Variants in PCDHGA8 observed in about 807,000 individuals in gnomAD.
PCDHGA8 encodes the protein protocadherin gamma subfamily A, 8.
PCDHGA8 carries 45 observed loss-of-function variants against 59.2 expected under a neutral mutation model. That is an observed-to-expected ratio of 0.76 (90% CI 0.60 to 0.98). The LOEUF (loss-of-function observed/expected upper bound fraction) is 0.98, where lower values mean the gene tolerates loss of function less well. Ranked by LOEUF, PCDHGA8 falls within the 50% of genes least tolerant of loss-of-function variation. PCDHGA8 has a pLI of 0.00. For synonymous variants in PCDHGA8, 531 were observed against 519.0 expected (o/e 1.02, Z -0.32); for missense variants, 1,257 against 1,196.2 (o/e 1.05, Z -0.75).
Position 141,487,522 on chromosome 5 carries a change from T to G in PCDHGA8, c.2425-7285T>G, listed in dbSNP as rs764726787. Reference sequence around the variant, plus strand: ...TGGCTTCTGCACCCACTCGGAGTGATAGCTTCATGATGGTGAAGTCACCCA... The same window carrying G: ...TGGCTTCTGCACCCACTCGGAGTGAGAGCTTCATGATGGTGAAGTCACCCA... On this transcript the variant is annotated intron_variant, in intron 1 of 3. Transcript: ENST00000398604. This position sits in a 1 kb window ranked among gnomAD's most constrained non-coding sequence, Gnocchi z 5.0. The G allele has an allele frequency of 6.2e-7, 1 of 1,614,166 alleles. No individual in the cohort carries two copies. The highest frequency in any genetic ancestry group is 8.5e-7 in the Non-Finnish European group (1 of 1,180,022).
intron 1 of PCDHGA8, chr5:141,399,746 C>G (rs1478736881): frequency 2.5e-6 from 4 of 1,613,242 alleles, no homozygotes; most frequent in African/African-American, 2.7e-5. Context: ...GCGCTCAGCG[C>G]AAACGTGAGC....
chr5:141,448,948 AAAAC>A (rs1237948751), intron 1 of PCDHGA8, among the ~76,000 whole-genome samples: 14 of 152,170 alleles, frequency 9.2e-5, no homozygotes, highest in African/African-American at 9.7e-5. Flanking sequence ...GCAACTCAAA[AAAAC>A]AAACAAACAA....
intron 1 of PCDHGA8, chr5:141,398,475 T>C (rs1201280028): frequency 2.0e-5 from 32 of 1,607,296 alleles, no homozygotes; most frequent in Admixed American, 1.7e-4. Flanking sequence ...CACTGAACTT[T>C]TATCACGTGA....
chr5:141,454,657 CG>C (rs1313292109), intron 1 of PCDHGA8, among the ~76,000 whole-genome samples: 1 of 152,074 alleles, frequency 6.6e-6, no homozygotes, highest in Admixed American at 6.6e-5. Flanking sequence ...CTGCCCACCT[CG>C]GCCTCCCAAA....
chr5:141,499,414 T>C (rs543824206), intron 2 of PCDHGA8, among the ~76,000 whole-genome samples: 1 of 151,804 alleles, frequency 6.6e-6, no homozygotes, highest in Non-Finnish European at 1.5e-5. Context: ...TATAGAAACA[T>C]GAAAAATAGA....
At chr5:141,439,523 T>A (rs2098118339) in intron 1 of PCDHGA8, among the ~76,000 whole-genome samples, 1 of 152,202 alleles carries the variant, frequency 6.6e-6, no homozygotes, top group African/African-American at 2.4e-5. Context: ...CAACTAACTC[T>A]ACAGAACGCT....
rs376452870 is a variant in PCDHGA8 at position 141,423,273 on chromosome 5, G to A, written c.2424+28036G>A. 34 of 1,613,778 alleles carry A rather than the reference G, an allele frequency of 2.1e-5. No homozygotes were observed. In the African/African-American group the frequency reaches 4.4e-4, roughly 21 times the overall value. Reference sequence around the variant, plus strand: ...CGGACCTCGGCAGCCTCGAGTCTCTGGCTAACTCTGAAACCTCAGACCTCT... The same window carrying A: ...CGGACCTCGGCAGCCTCGAGTCTCTAGCTAACTCTGAAACCTCAGACCTCT... On this transcript the variant is annotated intron_variant, in intron 1 of 3. Coordinates refer to ENST00000398604, the MANE Select transcript of PCDHGA8 (RefSeq NM_032088.2).
rs1270394666 is a variant in PCDHGA8, at chr5:141,394,332, A to G, written c.1519A>G (p.Ile507Val). The G allele has an allele frequency of 1.2e-6, 2 of 1,614,010 alleles. No individual in the cohort carries two copies. Among genetic ancestry groups the G allele is most frequent in the Admixed American group, 1.7e-5 (1 of 60,022 alleles). The change falls in exon 1 of 4, where the codon ATC (isoleucine) becomes GTC (valine). Residue 507 changes from isoleucine to valine, a missense_variant. Coordinates refer to ENST00000398604, the MANE Select transcript of PCDHGA8 (RefSeq NM_032088.2). ...GGCGCCCCTGTCCTCGTATATCTCC[A>G]TCAACTCTGACACCGGTGTCCTGTA... ...QGAPLSSYIS[I>V]NSDTGVLYAL...
At position 141,420,290 on chromosome 5, in the gene PCDHGA8, T is replaced by C. The variant is rs563124810; in HGVS notation, c.2424+25053T>C. 1.3e-5 allele frequency: 19 copies of C among 1,496,908 alleles called. No individual in the cohort carries two copies. The East Asian group carries it at 3.9e-4, about 30-fold the overall frequency. 92.7% of individuals were successfully genotyped at this position (1,496,908 alleles called of 1,614,324 possible). A position where few individuals can be genotyped will look rare whatever the true frequency, so the allele number is the denominator to read the frequency against. ...TCTTAAACAGGTAAGTATTTAAAAA[T>C]GTATTTAATCCTTTTTATATTACAA... On this transcript the variant is annotated intron_variant, in intron 1 of 3. Transcript: ENST00000398604.
chr5:141,455,149 TTA>T (rs537241375), intron 1 of PCDHGA8, among the ~76,000 whole-genome samples: 1 of 148,248 alleles, frequency 6.7e-6, no homozygotes, highest in Non-Finnish European at 1.5e-5. Context: ...TAAATAAATA[TTA>T]GTTTGTTGGT....
intron 1 of PCDHGA8, among the ~76,000 whole-genome samples, chr5:141,492,802 G>A (rs1490284966): frequency 6.6e-6 from 1 of 152,234 alleles, no homozygotes; most frequent in Non-Finnish European, 1.5e-5. Flanking sequence ...GCAGGACTGG[G>A]ACTCCAGTGG....
In PCDHGA8 at chr5:141,431,937, A is replaced by T; in HGVS notation, c.2424+36700A>T. On this transcript the variant is annotated intron_variant, in intron 1 of 3. Coordinates refer to ENST00000398604, the MANE Select transcript of PCDHGA8 (RefSeq NM_032088.2). The surrounding 1 kb of genome is among the most constrained non-coding windows in gnomAD (Gnocchi z 4.8). ...TTCATCCAAGGAAATCTGCCCTTTAAATTAGAAAAATCTTACGGAAATTAC... is the reference window on the plus strand; with the variant it reads ...TTCATCCAAGGAAATCTGCCCTTTATATTAGAAAAATCTTACGGAAATTAC... The T allele has an allele frequency of 6.2e-7, 1 of 1,614,144 alleles. No individual in the cohort carries two copies. The highest frequency in any genetic ancestry group is 8.5e-7 in the Non-Finnish European group (1 of 1,180,014).
chr5:141,467,055 CTTT>C (rs1193465269), intron 1 of PCDHGA8, among the ~76,000 whole-genome samples: 5 of 134,460 alleles, frequency 3.7e-5, no homozygotes, highest in Admixed American at 7.5e-5. Context: ...TCAATGTTTT[CTTT>C]TTTTTTTTTT....
chr5:141,422,344 C>G, intron 1 of PCDHGA8: 1 of 1,550,890 alleles, frequency 6.4e-7, no homozygotes, highest in Non-Finnish European at 8.7e-7. Flanking sequence ...TCTAAATGTG[C>G]AAGATCAAGA....
At chr5:141,474,126 A>G (rs1450071391) in intron 1 of PCDHGA8, among the ~76,000 whole-genome samples, 2 of 152,232 alleles carry the variant, frequency 1.3e-5, no homozygotes, top group African/African-American at 4.8e-5. Context: ...AAAATCTCAG[A>G]AAACTACAGG....
intron 1 of PCDHGA8, chr5:141,419,057 A>T: frequency 6.2e-7 from 1 of 1,613,900 alleles, no homozygotes; most frequent in East Asian, 2.2e-5. Flanking sequence ...TTCTTCTAAT[A>T]ATTACTACAA....
intron 1 of PCDHGA8, chr5:141,415,520 C>T: frequency 6.2e-7 from 1 of 1,614,190 alleles, no homozygotes; most frequent in Non-Finnish European, 8.5e-7. Flanking sequence ...TATGCGGACA[C>T]GCTCATCAGC....
intron 2 of PCDHGA8, among the ~76,000 whole-genome samples, chr5:141,500,877 A>AT (rs369345007): frequency 0.053 from 6,532 of 122,188 alleles, 326 homozygotes; most frequent in Admixed American, 0.19. Context: ...TTCATTTACA[A>AT]TTTTTTTTTT....
intron 1 of PCDHGA8, among the ~76,000 whole-genome samples, chr5:141,492,949 A>G (rs1470301496): frequency 6.6e-6 from 1 of 152,226 alleles, no homozygotes; most frequent in African/African-American, 2.4e-5. Flanking sequence ...GGAGGTGACC[A>G]AACTATCTGA....
Sources: allele counts gnomAD v4.1 joint callset (sites outside exome capture counted in the v4.1 genomes callset), GRCh38; gene constraint gnomAD v4.1.1; non-coding constraint Gnocchi (gnomAD v3.1); transcripts MANE v1.5; gene names NCBI Gene and HGNC (gene_info 2026-07-23, HGNC 2026-07-21).